FAF1: variants seen among roughly 807,000 people sequenced by gnomAD.
The protein encoded by FAF1 is Fas associated factor 1, also known as FAS-associated factor 1.
In FAF1, 25 loss-of-function variants were observed where a neutral mutation model predicts 92.5. The observed-to-expected ratio is 0.27, with a 90% CI of 0.20 to 0.38. The LOEUF (loss-of-function observed/expected upper bound fraction) is 0.38. Ranked by LOEUF, FAF1 falls within the 10% of genes least tolerant of loss-of-function variation. The probability of loss-of-function intolerance (pLI) is 1.00; values close to 1 mark genes in which losing one functional copy is unlikely to be tolerated. For missense variants in FAF1, 636 were observed against 793.3 expected (o/e 0.80, Z 2.38); for synonymous variants, 234 against 273.2 (o/e 0.86, Z 1.42).
chr1:50,569,621 GAA>G (rs1650336496), intron 12 of FAF1, among the ~76,000 whole-genome samples: 1 of 152,060 alleles, frequency 6.6e-6, no homozygotes, highest in African/African-American at 2.4e-5. Flanking sequence ...GAGACAGTGG[GAA>G]AAAGAGAGCT....
intron 6 of FAF1, among the ~76,000 whole-genome samples, chr1:50,712,295 G>A (rs1255439071): frequency 1.3e-5 from 2 of 152,230 alleles, no homozygotes; most frequent in Non-Finnish European, 2.9e-5. Context: ...AAACTGGCAT[G>A]TGAACTGCTT....
chr1:50,743,799 G>A (rs568680208), intron 5 of FAF1, among the ~76,000 whole-genome samples: 1 of 152,042 alleles, frequency 6.6e-6, no homozygotes, highest in Admixed American at 6.5e-5. Flanking sequence ...AAGCCCAGGT[G>A]CAGCAGCTCA....
rs139014114 is a variant in FAF1, at chr1:50,452,824, G to A, written c.1870-11301C>T. Among the ~76,000 whole-genome samples, 589 of 152,308 alleles carry A rather than the reference G, an allele frequency of 3.9e-3. 16 individuals carry two copies. Among genetic ancestry groups the A allele is most frequent in the Admixed American group, 0.027 (419 of 15,300 alleles). On this transcript the variant is annotated intron_variant, in intron 18 of 18. Transcript: ENST00000396153. ...ATTTAAATCTTAGCACTGCATGTGT[G>A]CTCTTGAGTAAGTCATTTAACCTCT... is the stretch of plus-strand genomic sequence containing the variant.
intron 13 of FAF1, among the ~76,000 whole-genome samples, chr1:50,565,460 A>C (rs913261797): frequency 5.9e-5 from 9 of 152,110 alleles, no homozygotes; most frequent in Non-Finnish European, 1.3e-4. Flanking sequence ...TTTTTAAAAA[A>C]GTGTCATAAG....
intron 18 of FAF1, chr1:50,451,974 G>C (rs1572750366): frequency 8.5e-7 from 1 of 1,176,438 alleles, no homozygotes; most frequent in East Asian, 6.0e-5. Context: ...TCCTTGCAGT[G>C]GTATCCTTGA....
At chr1:50,546,240 T>C (rs899426829) in intron 13 of FAF1, among the ~76,000 whole-genome samples, 7 of 152,226 alleles carry the variant, frequency 4.6e-5, no homozygotes, top group African/African-American at 7.2e-5. Flanking sequence ...AGCCATTAAA[T>C]AGATTTCTTT....
At chr1:50,790,981 A>C (rs1338029684) in intron 3 of FAF1, among the ~76,000 whole-genome samples, 1 of 152,168 alleles carries the variant, frequency 6.6e-6, no homozygotes, top group Admixed American at 6.5e-5. Context: ...ACATAGATGT[A>C]TATGTGTGTT....
chr1:50,919,754 TG>T lies in FAF1; in HGVS notation c.45+40012del, dbSNP rs1644948579. On this transcript the variant is annotated intron_variant, in intron 1 of 18. Transcript: ENST00000396153. Reference sequence around the variant, plus strand: ...CACCAGCCTTGGCCTTTTACAGGCGTGAGCCACCGCACCCAGCCGAAGAATA... The same window carrying T: ...CACCAGCCTTGGCCTTTTACAGGCGTAGCCACCGCACCCAGCCGAAGAATA... Among the ~76,000 whole-genome samples the T allele has an allele frequency of 2.0e-5, 3 of 152,142 alleles. No homozygotes were observed. The South Asian group carries it at 6.2e-4, about 32-fold the overall frequency.
intron 6 of FAF1, among the ~76,000 whole-genome samples, chr1:50,716,722 A>G (rs139886517): frequency 6.6e-6 from 1 of 152,202 alleles, no homozygotes; most frequent in Non-Finnish European, 1.5e-5. Context: ...AAAACACGCC[A>G]ATCAGTGCTG....
intron 7 of FAF1, among the ~76,000 whole-genome samples, chr1:50,689,015 C>A (rs926483025): frequency 6.6e-6 from 1 of 151,864 alleles, no homozygotes; most frequent in African/African-American, 2.4e-5. Flanking sequence ...TGGCTAGGAG[C>A]TAGAGGCAAA....
intron 14 of FAF1, among the ~76,000 whole-genome samples, chr1:50,536,865 T>C (rs2149038578): frequency 6.6e-6 from 1 of 152,318 alleles, no homozygotes; most frequent in African/African-American, 2.4e-5. Context: ...GAGATAACAC[T>C]ATGTAGTGTT....
chr1:50,554,986 T>C (rs111892623), intron 13 of FAF1, among the ~76,000 whole-genome samples: 2,097 of 152,016 alleles, frequency 0.014, 46 homozygotes, highest in African/African-American at 0.047. Flanking sequence ...ACAGTTGTAA[T>C]GAAAAATTGT....
intron 4 of FAF1, among the ~76,000 whole-genome samples, chr1:50,749,479 G>T (rs1397664656): frequency 1.3e-5 from 2 of 152,112 alleles, no homozygotes; most frequent in Admixed American, 1.3e-4. Context: ...AGCAACCTGA[G>T]TTCCTCATAT....
intron 3 of FAF1, among the ~76,000 whole-genome samples, chr1:50,794,891 C>A (rs1190735501): frequency 1.3e-5 from 2 of 151,808 alleles, no homozygotes; most frequent in South Asian, 4.2e-4. Context: ...CCCGCCTTGG[C>A]CTCCCAAAGT....
At chr1:50,659,093 T>C (rs926866812) in intron 7 of FAF1, among the ~76,000 whole-genome samples, 1 of 152,114 alleles carries the variant, frequency 6.6e-6, no homozygotes, top group Non-Finnish European at 1.5e-5. Flanking sequence ...ATAAAAACGA[T>C]TCTGAAAAAA....
intron 1 of FAF1, among the ~76,000 whole-genome samples, chr1:50,883,942 T>C (rs1449408006): frequency 6.7e-6 from 1 of 148,886 alleles, no homozygotes; most frequent in Non-Finnish European, 1.5e-5. Context: ...CTGGCCAACA[T>C]GGAGAAACCC....
chr1:50,614,220 G>A (rs1652804421), intron 8 of FAF1, among the ~76,000 whole-genome samples: 1 of 152,136 alleles, frequency 6.6e-6, no homozygotes, highest in East Asian at 1.9e-4. Flanking sequence ...CCCAAGACAA[G>A]CATGTATTCT....
chr1:50,795,988 G>T (rs1661733600), intron 3 of FAF1, among the ~76,000 whole-genome samples: 1 of 151,588 alleles, frequency 6.6e-6, no homozygotes, highest in African/African-American at 2.4e-5. Flanking sequence ...CAAAAAGCAG[G>T]TAAACTGAGG....
At chr1:50,912,251 C>T (rs1176352756) in intron 1 of FAF1, among the ~76,000 whole-genome samples, 1 of 152,130 alleles carries the variant, frequency 6.6e-6, no homozygotes, top group Non-Finnish European at 1.5e-5. Flanking sequence ...CGGTGTTGTC[C>T]TCATCCTTCC....
Sources: allele counts gnomAD v4.1 joint callset (sites outside exome capture counted in the v4.1 genomes callset), GRCh38; gene constraint gnomAD v4.1.1; transcripts MANE v1.5; gene names NCBI Gene and HGNC (gene_info 2026-07-23, HGNC 2026-07-21).